The following KAT6A variants were observed in gnomAD, a reference collection of about 807,000 sequenced individuals.
KAT6A encodes lysine acetyltransferase 6A.
A neutral mutation model predicts 198.4 loss-of-function variants in KAT6A; 9 were observed. The observed-to-expected ratio is 0.05, with a 90% CI of 0.03 to 0.08. The LOEUF (loss-of-function observed/expected upper bound fraction) is 0.08, where lower values mean the gene tolerates loss of function less well. Among genes scored for constraint, KAT6A ranks in the 10% least tolerant of loss-of-function variants. KAT6A has a pLI of 1.00. For synonymous variants in KAT6A, 890 were observed against 883.0 expected (o/e 1.01, Z -0.14); for missense variants, 2,077 against 2,509.9 (o/e 0.83, Z 3.69).
chr8:41,931,141 C>T lies in KAT6A; in HGVS notation c.*1064G>A, dbSNP rs1821521283. ...ACTAAAATGTACAGTCATCCACCAA[C>T]AATTTAAGAAAGAACCTAAGAGGCA... On this transcript the variant is annotated 3_prime_UTR_variant, in exon 17 of 17. Transcript: ENST00000265713. 1 of 222,202 alleles carries T rather than the reference C, an allele frequency of 4.5e-6. No homozygotes were observed. Among genetic ancestry groups the T allele is most frequent in the Admixed American group, 5.8e-5 (1 of 17,376 alleles). The allele number at this position is 222,202 out of a possible 1,614,324, so 13.8% of individuals were successfully genotyped here.
At chr8:41,968,912 A>T (rs13274723) in intron 8 of KAT6A, among the ~76,000 whole-genome samples, 37,499 of 151,910 alleles carry the variant, frequency 0.25, 5,244 homozygotes, top group African/African-American at 0.34. Flanking sequence ...ATAATTTTTT[A>T]AAAAAATTAA....
At chr8:41,962,931 C>T (rs1311058498) in intron 8 of KAT6A, among the ~76,000 whole-genome samples, 1 of 152,128 alleles carries the variant, frequency 6.6e-6, no homozygotes, top group Non-Finnish European at 1.5e-5. Flanking sequence ...GTTTCATCCC[C>T]TCACCTCCTT....
intron 2 of KAT6A, among the ~76,000 whole-genome samples, chr8:42,047,676 G>A (rs943846268): frequency 1.3e-5 from 2 of 152,090 alleles, no homozygotes; most frequent in African/African-American, 2.4e-5. Context: ...CTCCCAAAGC[G>A]CTGGGATTAC....
Position 41,933,335 on chromosome 8 carries a change from T to G in KAT6A, c.4885A>C (p.Asn1629His). ...MQQSSVQPAA[N>H]CSIKSPQSCV... Reference sequence around the variant, plus strand: ...CTCTGAGGTGACTTGATGCTGCAGTTGGCAGCAGGCTGGACGCTGCTCTGC... The same window carrying G: ...CTCTGAGGTGACTTGATGCTGCAGTGGGCAGCAGGCTGGACGCTGCTCTGC... Residue 1629 changes from asparagine to histidine, a missense_variant, in exon 17 of 17, where the codon AAC (asparagine) becomes CAC (histidine). Physicochemically the swap from Asn to His is moderately conservative, Grantham distance 68. Around this residue, in one of 13 missense-constraint regions of KAT6A, gnomAD observed 500 missense variants for 577.2 expected, o/e 0.87. Coordinates refer to ENST00000265713, the MANE Select transcript of KAT6A (RefSeq NM_006766.5). The surrounding 1 kb of genome is among the most constrained non-coding windows in gnomAD (Gnocchi z 6.2). 6.3e-7 allele frequency: 1 copy of G among 1,576,158 alleles called. No homozygotes were observed. The highest frequency in any genetic ancestry group is 8.6e-7 in the Non-Finnish European group (1 of 1,163,932).
Position 41,929,778 on chromosome 8 carries a change from TCA to T in KAT6A, c.*2425_*2426del, listed in dbSNP as rs1272185798. ...CTTTTAGAGGCATCTGGAGCTCTAT[TCA>T]CACACGCTAGAGATCTCTTTAAAGA... On this transcript the variant is annotated 3_prime_UTR_variant, in exon 17 of 17. Coordinates refer to ENST00000265713, the MANE Select transcript of KAT6A (RefSeq NM_006766.5). The T allele has an allele frequency of 5.2e-6, 1 of 193,776 alleles. No individual in the cohort carries two copies. Among genetic ancestry groups the T allele is most frequent in the African/African-American group, 2.3e-5 (1 of 43,108 alleles). 12.0% of individuals were successfully genotyped at this position (193,776 alleles called of 1,614,324 possible).
intron 2 of KAT6A, among the ~76,000 whole-genome samples, chr8:42,004,604 C>G (rs567964962): frequency 6.6e-6 from 1 of 152,200 alleles, no homozygotes; most frequent in South Asian, 2.1e-4. Flanking sequence ...CTAGAAATGA[C>G]TATTCACAAT....
At chr8:42,006,273 T>C (rs543402033) in intron 2 of KAT6A, among the ~76,000 whole-genome samples, 1 of 152,262 alleles carries the variant, frequency 6.6e-6, no homozygotes, top group East Asian at 1.9e-4. Flanking sequence ...TGTGTGCAGG[T>C]GCACATGTGT....
intron 9 of KAT6A, among the ~76,000 whole-genome samples, chr8:41,951,601 G>A (rs545459392): frequency 5.9e-5 from 9 of 152,284 alleles, no homozygotes; most frequent in Non-Finnish European, 1.5e-5. Context: ...AACTGCACAT[G>A]AAGTGTCACC....
chr8:41,966,537 T>G (rs1315297647), intron 8 of KAT6A, among the ~76,000 whole-genome samples: 2 of 152,090 alleles, frequency 1.3e-5, no homozygotes, highest in Non-Finnish European at 2.9e-5. Context: ...AAGCTGAAGT[T>G]AATGTTGTTT....
intron 9 of KAT6A, among the ~76,000 whole-genome samples, chr8:41,949,845 C>A (rs1587731135): frequency 6.6e-6 from 1 of 152,142 alleles, no homozygotes; most frequent in Admixed American, 6.6e-5. Flanking sequence ...CAAATAAGGG[C>A]AAGAGGGCAC....
chr8:41,961,150 C>T (rs1447586737), intron 8 of KAT6A, among the ~76,000 whole-genome samples: 2 of 152,206 alleles, frequency 1.3e-5, no homozygotes, highest in Non-Finnish European at 2.9e-5. Context: ...CCTTCACTTT[C>T]AGCCAATGCT....
Position 41,941,289 on chromosome 8 carries a change from C to A in KAT6A, c.2592G>T (p.Arg864=). ...TGTTCTTCCTCCCCCAGCGGCCCCT[C>A]CGAGATGGCTGGCTATTTGCAGGAA... is the stretch of plus-strand genomic sequence containing the variant. ...DSLPANSQPS[R]RGRWGRKNRK... The change falls in exon 15 of 17, where the codon CGG becomes CGT. Residue 864 remains arginine (R), a synonymous_variant. Coordinates refer to ENST00000265713, the MANE Select transcript of KAT6A (RefSeq NM_006766.5). The A allele has an allele frequency of 6.2e-7, 1 of 1,614,132 alleles. No homozygotes were observed. Among genetic ancestry groups the A allele is most frequent in the South Asian group, 1.1e-5 (1 of 91,074 alleles).
chr8:41,943,057 G>GA (rs1822217748), intron 13 of KAT6A, 57 bp from the exon 14 acceptor site: 7 of 1,602,334 alleles, frequency 4.4e-6, no homozygotes, highest in African/African-American at 1.3e-5. Flanking sequence ...ACATAAAAAT[G>GA]AATGTGGAGA....
intron 2 of KAT6A, among the ~76,000 whole-genome samples, chr8:42,002,332 C>A (rs563226604): frequency 6.6e-6 from 1 of 152,146 alleles, no homozygotes; most frequent in Admixed American, 6.5e-5. Context: ...TTTTTCTTTA[C>A]ATAGATTTAA....
At position 41,930,133 on chromosome 8, in the gene KAT6A, G is replaced by C. The variant is rs776077155; in HGVS notation, c.*2072C>G. 9.1e-5 allele frequency: 21 copies of C among 231,972 alleles called. No individual in the cohort carries two copies. Among genetic ancestry groups the C allele is most frequent in the African/African-American group, 3.3e-4 (15 of 45,130 alleles). 14.4% of individuals were successfully genotyped at this position (231,972 alleles called of 1,614,324 possible). ...GCTGCCCGATTGAATTTTTTATAAA[G>C]AAACAAACAAAACCAAACACAACCG... On this transcript the variant is annotated 3_prime_UTR_variant, in exon 17 of 17. Coordinates refer to ENST00000265713, the MANE Select transcript of KAT6A (RefSeq NM_006766.5).
intron 2 of KAT6A, among the ~76,000 whole-genome samples, chr8:42,021,984 A>T (rs1782746659): frequency 6.6e-6 from 1 of 152,180 alleles, no homozygotes; most frequent in African/African-American, 2.4e-5. Flanking sequence ...CACAAGTTTA[A>T]CAATTTCAGT....
At chr8:41,940,542 T>C (rs1251950425) in intron 15 of KAT6A, among the ~76,000 whole-genome samples, 5 of 152,216 alleles carry the variant, frequency 3.3e-5, no homozygotes, top group Non-Finnish European at 7.3e-5. Flanking sequence ...CTAAAAGTCA[T>C]GATTTGAACA....
At position 41,930,726 on chromosome 8, in the gene KAT6A, ATATTTTT is replaced by A. The variant is rs1821496019; in HGVS notation, c.*1472_*1478del. On this transcript the variant is annotated 3_prime_UTR_variant, in exon 17 of 17. Coordinates refer to ENST00000265713, the MANE Select transcript of KAT6A (RefSeq NM_006766.5). The stretch of plus-strand genomic sequence containing the variant: ...TGTGTGTGTGTATATATATATATAT[ATATTTTT>A]TTTTTTTTTTTTTTTTTTTTTACCT... 5 of 91,780 alleles carry A rather than the reference ATATTTTT, an allele frequency of 5.4e-5. No homozygotes were observed. Among genetic ancestry groups the A allele is most frequent in the African/African-American group, 1.8e-4 (4 of 22,750 alleles). The allele number at this position is 91,780 out of a possible 1,614,324, so 5.7% of individuals were successfully genotyped here.
intron 2 of KAT6A, among the ~76,000 whole-genome samples, chr8:42,034,660 A>G (rs561090176): frequency 6.6e-5 from 10 of 152,366 alleles, no homozygotes; most frequent in Admixed American, 5.9e-4. Context: ...CAATTAAATT[A>G]TAACTAAATA....
Sources: gnomAD v4.1 joint callset for allele counts (sites outside exome capture counted in the v4.1 genomes callset) on GRCh38, gnomAD v4.1.1 for gene constraint, gnomAD v4.1.1 regional missense constraint, Gnocchi (gnomAD v3.1) non-coding constraint, MANE v1.5 for transcripts, NCBI Gene and HGNC (gene_info 2026-07-23, HGNC 2026-07-21) for gene names.